Variants in NIPSNAP2 observed in about 807,000 individuals in gnomAD.
NIPSNAP2 encodes the protein protein NipSnap homolog 2.
In NIPSNAP2, 42 loss-of-function variants were observed where a neutral mutation model predicts 48.4. The ratio of observed to expected loss-of-function variants is 0.87; its 90% CI spans 0.68 to 1.12. The LOEUF (loss-of-function observed/expected upper bound fraction) is 1.12, where lower values mean the gene tolerates loss of function less well. NIPSNAP2 is among the 50% of genes most tolerant of loss of function. The pLI, the probability that NIPSNAP2 is intolerant of heterozygous loss-of-function variation, is 0.00. For synonymous variants in NIPSNAP2, 158 were observed against 126.6 expected (o/e 1.25, Z -1.67); for missense variants, 314 against 347.3 (o/e 0.90, Z 0.76).
intron 5 of NIPSNAP2, among the ~76,000 whole-genome samples, chr7:55,982,980 G>A (rs1035069341): frequency 6.6e-6 from 1 of 151,722 alleles, no homozygotes; most frequent in Non-Finnish European, 1.5e-5. Flanking sequence ...AAAATTAGCC[G>A]AGCATGGTGG....
intron 1 of NIPSNAP2, among the ~76,000 whole-genome samples, chr7:55,970,839 CAG>C (rs1471990272): frequency 6.6e-6 from 1 of 152,112 alleles, no homozygotes; most frequent in African/African-American, 2.4e-5. Flanking sequence ...CCCTCCAAAA[CAG>C]AGCCAGAGTG....
intron 9 of NIPSNAP2, 74 bp from the exon 10 acceptor site, chr7:55,998,934 A>G (rs1198371833): frequency 2.5e-5 from 31 of 1,219,116 alleles, no homozygotes; most frequent in Non-Finnish European, 3.8e-5. Context: ...ATTCTCGGCA[A>G]TCTGTCTGTT....
In NIPSNAP2 at chr7:55,985,551, A is replaced by G. The variant is rs758949284; in HGVS notation, c.617+673A>G. 1.2e-4 allele frequency among the ~76,000 whole-genome samples: 19 copies of G among 152,110 alleles called. No individual in the cohort carries two copies. In the South Asian group the frequency reaches 3.5e-3, roughly 28 times the overall value. On this transcript the variant is annotated intron_variant, in intron 7 of 9. Transcript: ENST00000322090. ...CAGGAGTTCAAGACCAGCCTGGGCA[A>G]CATAGTAAGACCCCCAACCTCTACC...
intron 1 of NIPSNAP2, among the ~76,000 whole-genome samples, chr7:55,976,129 C>T (rs1282385393): frequency 6.6e-6 from 1 of 152,192 alleles, no homozygotes; most frequent in Non-Finnish European, 1.5e-5. Context: ...CCTTTACTCC[C>T]ACCCCAGGCC....
intron 9 of NIPSNAP2, among the ~76,000 whole-genome samples, chr7:55,998,407 G>T (rs966670875): frequency 6.7e-6 from 1 of 150,268 alleles, no homozygotes; most frequent in East Asian, 1.9e-4. Flanking sequence ...TGCTGCTTAC[G>T]CGAACGTTTG....
chr7:55,983,631 A>G, intron 5 of NIPSNAP2, 97 bp from the exon 6 acceptor site: 1 of 1,241,260 alleles, frequency 8.1e-7, no homozygotes. Flanking sequence ...CCTGTTGATT[A>G]CCCTATTATA....
chr7:55,974,717 G>A lies in NIPSNAP2; in HGVS notation c.93-3409G>A, dbSNP rs558201453. On this transcript the variant is annotated intron_variant, in intron 1 of 9. Coordinates refer to ENST00000322090, the MANE Select transcript of NIPSNAP2 (RefSeq NM_001483.3). ...CAAAAAATTAGCCGGGTGTGGCGGCGGGCGCCTGTAGTCTCAGCTACTCAG... is the reference window on the plus strand; with the variant it reads ...CAAAAAATTAGCCGGGTGTGGCGGCAGGCGCCTGTAGTCTCAGCTACTCAG... 1.3e-4 allele frequency among the ~76,000 whole-genome samples: 19 copies of A among 152,000 alleles called. No homozygotes were observed. The East Asian group carries it at 2.5e-3, about 20-fold the overall frequency.
chr7:55,998,454 C>G (rs1787610937), intron 9 of NIPSNAP2, among the ~76,000 whole-genome samples: 1 of 149,770 alleles, frequency 6.7e-6, no homozygotes, highest in Admixed American at 6.7e-5. Flanking sequence ...TGGACTTTTC[C>G]TACCTCCCAC....
rs547456413 is a variant in NIPSNAP2 at position 55,999,276 on chromosome 7, C to T, written c.*204C>T. 9.3e-4 allele frequency: 537 copies of T among 578,840 alleles called. 3 individuals carry two copies. The highest frequency in any genetic ancestry group is 4.8e-3 in the South Asian group (229 of 47,368). The allele number at this position is 578,840 out of a possible 1,614,324, so 35.9% of individuals were successfully genotyped here. A position where few individuals can be genotyped will look rare whatever the true frequency, so the allele number is the denominator to read the frequency against. ...TGGACTGATTGTGACAGTGCCTTGT[C>T]GTCCTCTTTGAAACACCCCGTGTTG... is the stretch of plus-strand genomic sequence containing the variant. On this transcript the variant is annotated 3_prime_UTR_variant, in exon 10 of 10. Transcript: ENST00000322090.
At chr7:55,973,577 C>G (rs550664435) in intron 1 of NIPSNAP2, among the ~76,000 whole-genome samples, 1 of 151,830 alleles carries the variant, frequency 6.6e-6, no homozygotes. Context: ...TGGGTTCAAG[C>G]GATTCTCCTA....
At chr7:55,994,163 C>T (rs1787507935) in intron 7 of NIPSNAP2, among the ~76,000 whole-genome samples, 1 of 152,182 alleles carries the variant, frequency 6.6e-6, no homozygotes, top group Admixed American at 6.5e-5. Flanking sequence ...CCCTTGGGTA[C>T]AGTGCCCTGT....
intron 7 of NIPSNAP2, among the ~76,000 whole-genome samples, chr7:55,987,947 G>C (rs1037921027): frequency 6.6e-6 from 1 of 152,036 alleles, no homozygotes; most frequent in Non-Finnish European, 1.5e-5. Flanking sequence ...CAATGTTAAC[G>C]TGTTTTTTTT....
intron 7 of NIPSNAP2, among the ~76,000 whole-genome samples, chr7:55,988,356 A>C (rs1432211775): frequency 6.6e-6 from 1 of 152,200 alleles, no homozygotes; most frequent in Non-Finnish European, 1.5e-5. Context: ...CCATAAGCTT[A>C]TGGAAAGGGA....
At chr7:55,995,859 G>A (rs554131923) in intron 8 of NIPSNAP2, among the ~76,000 whole-genome samples, 1 of 152,270 alleles carries the variant, frequency 6.6e-6, no homozygotes, top group South Asian at 2.1e-4. Flanking sequence ...GAGGACTCAA[G>A]GCTTCACAGA....
intron 5 of NIPSNAP2, among the ~76,000 whole-genome samples, chr7:55,982,584 T>TA (rs1041200732): frequency 4.9e-4 from 73 of 149,702 alleles, no homozygotes; most frequent in South Asian, 8.5e-4. Flanking sequence ...CTGTCTCTAC[T>TA]AAAAAAAATA....
intron 7 of NIPSNAP2, among the ~76,000 whole-genome samples, chr7:55,989,835 G>A (rs1340058420): frequency 6.6e-6 from 1 of 151,928 alleles, no homozygotes; most frequent in Non-Finnish European, 1.5e-5. Context: ...GCCTGGGCAT[G>A]GTGGCTCACG....
intron 5 of NIPSNAP2, 24 bp downstream of exon 5, chr7:55,982,304 C>G: frequency 7.4e-7 from 1 of 1,350,104 alleles, no homozygotes; most frequent in Non-Finnish European, 1.1e-6. Context: ...AAAATGTTTA[C>G]TTAGACTAAT....
At chr7:55,990,364 G>T (rs932045753) in intron 7 of NIPSNAP2, among the ~76,000 whole-genome samples, 1 of 151,834 alleles carries the variant, frequency 6.6e-6, no homozygotes, top group Non-Finnish European at 1.5e-5. Flanking sequence ...GAGTAGCTGG[G>T]ACTACAGGCA....
intron 7 of NIPSNAP2, among the ~76,000 whole-genome samples, chr7:55,991,508 A>T (rs1209099469): frequency 1.3e-5 from 2 of 152,026 alleles, no homozygotes; most frequent in Non-Finnish European, 1.5e-5. Context: ...GCACATTGGA[A>T]GGCCAAGATG....
Sources: gnomAD v4.1 joint callset for allele counts (sites outside exome capture counted in the v4.1 genomes callset) on GRCh38, gnomAD v4.1.1 for gene constraint, MANE v1.5 for transcripts, NCBI Gene and HGNC (gene_info 2026-07-23, HGNC 2026-07-21) for gene names.